The following DPYD variants were observed in gnomAD, a reference collection of about 807,000 sequenced individuals.
The protein encoded by DPYD is dihydropyrimidine dehydrogenase.
Under a neutral mutation model 116.2 loss-of-function variants are expected in DPYD, and 109 were observed. The ratio of observed to expected loss-of-function variants is 0.94; its 90% CI spans 0.80 to 1.10. The LOEUF is 1.10. Ranked by LOEUF, DPYD falls within the 50% of genes least tolerant of loss-of-function variation. The pLI, the probability that DPYD is intolerant of heterozygous loss-of-function variation, is 0.00. For synonymous variants in DPYD, 440 were observed against 432.0 expected, an observed-to-expected ratio of 1.02 and a Z score of -0.23; for missense variants, 1,302 against 1,254.5, an observed-to-expected ratio of 1.04 and a Z score of -0.57.
At chr1:97,685,561 G>C (rs111638010) in intron 7 of DPYD, among the ~76,000 whole-genome samples, 5 of 152,306 alleles carry the variant, frequency 3.3e-5, no homozygotes, top group African/African-American at 1.2e-4. Flanking sequence ...CTGCCTGTTT[G>C]CAGATGACAT....
At chr1:97,212,962 T>C (rs1660139802) in intron 19 of DPYD, among the ~76,000 whole-genome samples, 1 of 152,088 alleles carries the variant, frequency 6.6e-6, no homozygotes, top group Admixed American at 6.6e-5. Flanking sequence ...ATAACAAACA[T>C]TCATTTCTCA....
intron 18 of DPYD, among the ~76,000 whole-genome samples, chr1:97,302,739 A>G (rs1177696016): frequency 1.3e-5 from 2 of 152,024 alleles, no homozygotes; most frequent in African/African-American, 4.8e-5. Context: ...TATTATGTGT[A>G]TAACTGAAAA....
chr1:97,720,997 C>T lies in DPYD; in HGVS notation c.483+513G>A, dbSNP rs1443675027. The T allele has an allele frequency of 4.5e-6, 7 of 1,564,396 alleles. No homozygotes were observed. The Admixed American group carries it at 5.8e-5, about 13-fold the overall frequency. On this transcript the variant is annotated intron_variant, in intron 5 of 22. Transcript: ENST00000370192. ...TACATTTTTTACCCAAATAAAAGAC[C>T]TGCTTCCAATCTATAAGTTCACAAA...
At chr1:97,821,585 T>C (rs919140826) in intron 3 of DPYD, among the ~76,000 whole-genome samples, 2 of 152,104 alleles carry the variant, frequency 1.3e-5, no homozygotes, top group African/African-American at 4.8e-5. Flanking sequence ...ATGCACTTTT[T>C]TCCTGTCCTT....
intron 12 of DPYD, among the ~76,000 whole-genome samples, chr1:97,523,113 T>C (rs888210867): frequency 9.9e-5 from 15 of 152,090 alleles, no homozygotes; most frequent in Non-Finnish European, 2.2e-4. Flanking sequence ...TTGTTCAAAA[T>C]ACACTCAATG....
intron 21 of DPYD, among the ~76,000 whole-genome samples, chr1:97,094,536 C>G (rs543916292): frequency 1.3e-5 from 2 of 152,170 alleles, no homozygotes; most frequent in East Asian, 3.9e-4. Context: ...CCAGGCTGAA[C>G]TGCAGCTTTT....
At chr1:97,709,009 T>C (rs914720763) in intron 5 of DPYD, among the ~76,000 whole-genome samples, 1 of 151,944 alleles carries the variant, frequency 6.6e-6, no homozygotes, top group Non-Finnish European at 1.5e-5. Context: ...AATTGTGTAT[T>C]AGTTCCAGGA....
chr1:97,596,081 A>C (rs1369844504), intron 8 of DPYD, among the ~76,000 whole-genome samples: 2 of 152,074 alleles, frequency 1.3e-5, no homozygotes, highest in Admixed American at 6.6e-5. Context: ...ATACAGAAAG[A>C]GGAAAATAAG....
intron 2 of DPYD, among the ~76,000 whole-genome samples, chr1:97,840,606 GTT>G: frequency 6.6e-6 from 1 of 152,116 alleles, no homozygotes; most frequent in Middle Eastern, 3.4e-3. Flanking sequence ...AGTAGGGTAA[GTT>G]TTTTGTCTTA....
intron 12 of DPYD, among the ~76,000 whole-genome samples, chr1:97,529,520 T>C (rs954998298): frequency 6.6e-6 from 1 of 152,186 alleles, no homozygotes; most frequent in Non-Finnish European, 1.5e-5. Context: ...ACAATAAACA[T>C]AATTAATGTA....
At chr1:97,671,811 A>T (rs1019333381) in intron 8 of DPYD, among the ~76,000 whole-genome samples, 1 of 152,060 alleles carries the variant, frequency 6.6e-6, no homozygotes, top group African/African-American at 2.4e-5. Context: ...ACCAAAAATG[A>T]CAAAAGGAAA....
At chr1:97,531,849 T>C (rs750405729) in intron 12 of DPYD, among the ~76,000 whole-genome samples, 6 of 152,184 alleles carry the variant, frequency 3.9e-5, no homozygotes, top group Non-Finnish European at 7.4e-5. Flanking sequence ...CTTGATTCAG[T>C]GTATTCCTAA....
rs192304017 is a variant in DPYD, at chr1:97,583,094, G to A, written c.1129-9124C>T. On this transcript the variant is annotated intron_variant, in intron 10 of 22. Transcript: ENST00000370192. Reference sequence around the variant, plus strand: ...CGCCATTCTCCTGTCTCAGCCTCCCGAGTAGCTGGGACTACAGGCGCCCGC... The same window carrying A: ...CGCCATTCTCCTGTCTCAGCCTCCCAAGTAGCTGGGACTACAGGCGCCCGC... 3.1e-3 allele frequency among the ~76,000 whole-genome samples: 468 copies of A among 151,936 alleles called. 3 individuals carry two copies. Among genetic ancestry groups the A allele is most frequent in the African/African-American group, 0.011 (448 of 41,432 alleles).
At chr1:97,471,894 C>T (rs759423479) in intron 13 of DPYD, among the ~76,000 whole-genome samples, 2 of 152,134 alleles carry the variant, frequency 1.3e-5, no homozygotes, top group Admixed American at 6.5e-5. Flanking sequence ...CCATCCCGTC[C>T]CCCTCTTTTT....
intron 20 of DPYD, among the ~76,000 whole-genome samples, chr1:97,140,682 C>CCCT (rs747509855): frequency 1.5e-4 from 23 of 152,178 alleles, no homozygotes; most frequent in Non-Finnish European, 2.8e-4. Flanking sequence ...AGCATCCGGC[C>CCCT]TTTTCTCTAC....
chr1:97,524,227 C>T (rs188182521), intron 12 of DPYD, among the ~76,000 whole-genome samples: 1 of 152,126 alleles, frequency 6.6e-6, no homozygotes, highest in East Asian at 1.9e-4. Context: ...TTAACTACAG[C>T]GAGTTATGTT....
intron 18 of DPYD, among the ~76,000 whole-genome samples, chr1:97,273,198 G>A (rs529777837): frequency 1.4e-4 from 21 of 152,192 alleles, no homozygotes; most frequent in African/African-American, 4.8e-4. Flanking sequence ...AGTCAAATTT[G>A]CTAATAGTAT....
chr1:97,209,359 A>G (rs1267689662), intron 19 of DPYD, among the ~76,000 whole-genome samples: 1 of 152,204 alleles, frequency 6.6e-6, no homozygotes, highest in Non-Finnish European at 1.5e-5. Context: ...AACATTACCT[A>G]ATTAAATAAT....
chr1:97,254,479 T>C (rs1663320902), intron 18 of DPYD, among the ~76,000 whole-genome samples: 3 of 152,162 alleles, frequency 2.0e-5, no homozygotes, highest in South Asian at 2.1e-4. Flanking sequence ...TGTCCATTAA[T>C]GGAGTGATGT....
Sources: allele counts gnomAD v4.1 joint callset (sites outside exome capture counted in the v4.1 genomes callset), GRCh38; gene constraint gnomAD v4.1.1; transcripts MANE v1.5; gene names NCBI Gene and HGNC (gene_info 2026-07-23, HGNC 2026-07-21).